The following ARHGAP32 variants were observed in gnomAD, a reference collection of about 807,000 sequenced individuals.
The protein encoded by ARHGAP32 is rho GTPase-activating protein 32.
In ARHGAP32, 51 loss-of-function variants were observed where a neutral mutation model predicts 186.5. That is an observed-to-expected ratio of 0.27 (90% confidence interval 0.22 to 0.35). The LOEUF is 0.35. ARHGAP32 is among the 10% of genes least tolerant of loss of function. ARHGAP32 has a pLI of 1.00. For synonymous variants in ARHGAP32, 950 were observed against 964.3 expected (o/e 0.99, Z 0.27); for missense variants, 2,186 against 2,623.5 (o/e 0.83, Z 3.64).
intron 1 of ARHGAP32, among the ~76,000 whole-genome samples, chr11:129,179,184 T>C (rs1383743520): frequency 2.1e-4 from 32 of 151,994 alleles, no homozygotes; most frequent in East Asian, 3.9e-4. Flanking sequence ...CCAAAAAACA[T>C]ATGAAAAAAT....
intron 5 of ARHGAP32, among the ~76,000 whole-genome samples, chr11:129,099,330 T>C (rs561015522): frequency 1.3e-5 from 2 of 152,312 alleles, no homozygotes; most frequent in African/African-American, 4.8e-5. Flanking sequence ...ATGCTTACCA[T>C]TGTGTTACAA....
At chr11:129,026,259 G>A (rs1938843130) in intron 11 of ARHGAP32, among the ~76,000 whole-genome samples, 1 of 152,040 alleles carries the variant, frequency 6.6e-6, no homozygotes, top group Admixed American at 6.5e-5. Flanking sequence ...TACTATTTTT[G>A]CAACTTCCTC....
At chr11:128,992,792 CA>C (rs1946096606) in intron 12 of ARHGAP32, among the ~76,000 whole-genome samples, 1 of 151,784 alleles carries the variant, frequency 6.6e-6, no homozygotes, top group Admixed American at 6.6e-5. Flanking sequence ...CGTATCAAAA[CA>C]AAACAAAACA....
At chr11:129,005,361 T>A (rs146107769) in intron 11 of ARHGAP32, among the ~76,000 whole-genome samples, 1 of 152,306 alleles carries the variant, frequency 6.6e-6, no homozygotes, top group East Asian at 1.9e-4. Flanking sequence ...TGTATCTTCA[T>A]ATAATTTCTT....
At chr11:129,168,288 A>T (rs1361614143) in intron 1 of ARHGAP32, among the ~76,000 whole-genome samples, 1 of 152,164 alleles carries the variant, frequency 6.6e-6, no homozygotes, top group Non-Finnish European at 1.5e-5. Context: ...CATACTTTAA[A>T]TATAACAACA....
At chr11:129,172,010 A>G (rs1191190173) in intron 1 of ARHGAP32, among the ~76,000 whole-genome samples, 1 of 152,142 alleles carries the variant, frequency 6.6e-6, no homozygotes, top group Admixed American at 6.5e-5. Flanking sequence ...GGATTTTTAC[A>G]CATTGATTTT....
chr11:129,158,266 A>C (rs1458663070), intron 2 of ARHGAP32, among the ~76,000 whole-genome samples: 1 of 152,176 alleles, frequency 6.6e-6, no homozygotes, highest in East Asian at 1.9e-4. Context: ...CCCCAATTAA[A>C]AGACACAGAC....
At chr11:129,112,288 T>G (rs1207942029) in intron 5 of ARHGAP32, among the ~76,000 whole-genome samples, 4 of 152,206 alleles carry the variant, frequency 2.6e-5, no homozygotes, top group Non-Finnish European at 5.9e-5. Context: ...GAGGTTCCTT[T>G]ATAAGTGACT....
At chr11:129,244,334 CATATATGGTTAGT>C (rs1945058461) in intron 1 of ARHGAP32, among the ~76,000 whole-genome samples, 1 of 152,154 alleles carries the variant, frequency 6.6e-6, no homozygotes, top group African/African-American at 2.4e-5. Context: ...AATGTATCTG[CATATATGGTTAGT>C]TCCATATTTT....
upstream of ARHGAP32, among the ~76,000 whole-genome samples, chr11:129,196,164 A>G (rs933292150): frequency 6.6e-6 from 1 of 152,192 alleles, no homozygotes; most frequent in Non-Finnish European, 1.5e-5. Flanking sequence ...GTCAGAATGA[A>G]TTTTTTCGAA....
chr11:129,070,201 G>A (rs925643804), intron 6 of ARHGAP32, among the ~76,000 whole-genome samples: 4 of 151,982 alleles, frequency 2.6e-5, no homozygotes, highest in Non-Finnish European at 5.9e-5. Flanking sequence ...AAAATGGGGA[G>A]GCTAATAGTA....
rs754542138 is a variant in ARHGAP32 at position 128,973,311 on chromosome 11, T to C, written c.3195A>G (p.Ala1065=). 1.2e-6 allele frequency: 2 copies of C among 1,614,182 alleles called. No individual in the cohort carries two copies. Among genetic ancestry groups the C allele is most frequent in the Admixed American group, 3.3e-5 (2 of 60,028 alleles). ...RMLALALAES[A]QQASTQSLKR... ...TCAATGACTGAGTTGAGGCTTGCTG[T>C]GCGGACTCAGCTAATGCTAGCGCCA... Residue 1065 remains alanine, a synonymous_variant, in exon 22 of 23, where the codon GCA becomes GCG. Coordinates refer to ENST00000682385, the MANE Select transcript of ARHGAP32 (RefSeq NM_001378024.1).
chr11:129,136,082 G>C (rs1942929802), intron 2 of ARHGAP32, among the ~76,000 whole-genome samples: 1 of 151,966 alleles, frequency 6.6e-6, no homozygotes, highest in Non-Finnish European at 1.5e-5. Context: ...TCAGATAAAT[G>C]ACTAGTGCCC....
At chr11:129,093,127 CAGTT>C (rs1221335058) in intron 6 of ARHGAP32, among the ~76,000 whole-genome samples, 3 of 152,032 alleles carry the variant, frequency 2.0e-5, no homozygotes, top group Admixed American at 2.0e-4. Context: ...CTTAATGTCT[CAGTT>C]AGAAAAAGTG....
intron 11 of ARHGAP32, among the ~76,000 whole-genome samples, chr11:129,016,127 A>G (rs1938325363): frequency 6.6e-6 from 1 of 152,204 alleles, no homozygotes; most frequent in African/African-American, 2.4e-5. Context: ...ACTGCTAATC[A>G]GAATAGGCAT....
At chr11:129,140,095 G>C (rs772726955) in intron 2 of ARHGAP32, among the ~76,000 whole-genome samples, 118 of 152,166 alleles carry the variant, frequency 7.8e-4, no homozygotes, top group Non-Finnish European at 1.4e-3. Flanking sequence ...TCTCCAGCTG[G>C]TAGCAGAAGG....
At chr11:129,144,132 T>A (rs1449442605) in intron 2 of ARHGAP32, among the ~76,000 whole-genome samples, 1 of 152,210 alleles carries the variant, frequency 6.6e-6, no homozygotes, top group Admixed American at 6.5e-5. Context: ...GCAAAAGAAT[T>A]TTGATATAAC....
At chr11:129,206,817 CATAGGTAT>C (rs918960666) in intron 1 of ARHGAP32, among the ~76,000 whole-genome samples, 6 of 150,740 alleles carry the variant, frequency 4.0e-5, no homozygotes, top group African/African-American at 1.5e-4. Flanking sequence ...AGGTTTGTTA[CATAGGTAT>C]ACATGTGCCA....
chr11:129,003,488 T>C (rs1267762559), intron 11 of ARHGAP32, among the ~76,000 whole-genome samples: 1 of 152,312 alleles, frequency 6.6e-6, no homozygotes, highest in South Asian at 2.1e-4. Flanking sequence ...TTTGGTAAAA[T>C]TCAGCAGTTA....
Sources: allele counts gnomAD v4.1 joint callset (sites outside exome capture counted in the v4.1 genomes callset), GRCh38; gene constraint gnomAD v4.1.1; transcripts MANE v1.5; gene names NCBI Gene and HGNC (gene_info 2026-07-23, HGNC 2026-07-21).